Variants in WARS1 observed in about 807,000 individuals in gnomAD.
WARS1 encodes the protein tryptophanyl-tRNA synthetase 1.
WARS1 carries 17 observed loss-of-function variants against 47.8 expected under a neutral mutation model. The ratio of observed to expected loss-of-function variants is 0.36; its 90% CI spans 0.24 to 0.53. The LOEUF is 0.53. WARS1 is among the 20% of genes least tolerant of loss of function. The pLI is 0.91. For synonymous variants in WARS1, 208 were observed against 228.1 expected, an observed-to-expected ratio of 0.91 and a Z score of 0.79; for missense variants, 434 against 608.0, an observed-to-expected ratio of 0.71 and a Z score of 3.01.
chr14:100,339,110 CACACACACACACAT>C (rs1382658370), intron 9 of WARS1, among the ~76,000 whole-genome samples: 10 of 34,740 alleles, frequency 2.9e-4, no homozygotes, highest in African/African-American at 4.5e-4. Flanking sequence ...CCATCACACA[CACACACACACACAT>C]ACACACACAC....
At chr14:100,368,440 C>G in intron 2 of WARS1, 1 of 455,996 alleles carries the variant, frequency 2.2e-6, no homozygotes, top group South Asian at 1.5e-5. Context: ...GGTACGAATG[C>G]TTCATTTCCA....
At chr14:100,367,590 G>C (rs897854876) in intron 2 of WARS1, among the ~76,000 whole-genome samples, 1 of 144,046 alleles carries the variant, frequency 6.9e-6, no homozygotes, top group African/African-American at 2.6e-5. Context: ...TCCATCTCGG[G>C]GGGCGGGGGT....
intron 3 of WARS1, among the ~76,000 whole-genome samples, 164 bp downstream of exon 3, chr14:100,361,544 G>C (rs1439219352): frequency 6.6e-6 from 1 of 152,094 alleles, no homozygotes; most frequent in African/African-American, 2.4e-5. Flanking sequence ...AATCCTTTGG[G>C]AATATAATGC....
In WARS1 at chr14:100,334,301, T is replaced by TTG. The variant is rs1893562334; in HGVS notation, c.*573_*574insCA. ...CTGAACTCTGTTCAATCTTCATTGT[T>TTG]AAAAGCAGCTTTAAAGCTGGGTGAT... On this transcript the variant is annotated 3_prime_UTR_variant, in exon 11 of 11. Transcript: ENST00000392882. The TTG allele has an allele frequency of 3.3e-5, 5 of 152,618 alleles. No individual in the cohort carries two copies. Among genetic ancestry groups the TTG allele is most frequent in the African/African-American group, 1.2e-4 (5 of 41,464 alleles). The allele number at this position is 152,618 out of a possible 1,614,324, so 9.5% of individuals were successfully genotyped here. A position where few individuals can be genotyped will look rare whatever the true frequency, so the allele number is the denominator to read the frequency against.
intron 3 of WARS1, 136 bp from the exon 4 acceptor site, chr14:100,360,798 G>A: frequency 1.9e-6 from 1 of 529,746 alleles, no homozygotes; most frequent in East Asian, 3.1e-5. Flanking sequence ...TCTGCTAAAG[G>A]TCCTTACCCC....
intron 1 of WARS1, chr14:100,374,288 T>C (rs1290780300): frequency 6.6e-6 from 1 of 152,254 alleles, no homozygotes; most frequent in Non-Finnish European, 1.5e-5. Context: ...AATGCAGTTA[T>C]AACCAGTGAA....
chr14:100,347,093 C>A lies in WARS1; in HGVS notation c.726-247G>T, dbSNP rs732626. ...GGAAAGGCAGAAACCAGTGTGAAAC[C>A]GACGTGAAGCAGACATACAAACAAG... On this transcript the variant is annotated intron_variant, in intron 6 of 10. Coordinates refer to ENST00000392882, the MANE Select transcript of WARS1 (RefSeq NM_004184.4). Among the ~76,000 whole-genome samples the A allele has an allele frequency of 6.4e-4, 98 of 152,254 alleles. 2 individuals are homozygous for A. The East Asian group carries it at 0.018, about 28-fold the overall frequency.
chr14:100,376,281 G>A (rs1896658248), upstream of WARS1: 1 of 856,342 alleles, frequency 1.2e-6, no homozygotes. Context: ...GGGCCAGTCA[G>A]CGCTCCCGGC....
intron 4 of WARS1, among the ~76,000 whole-genome samples, chr14:100,357,464 ATT>A (rs775785412): frequency 2.8e-5 from 4 of 145,352 alleles, no homozygotes; most frequent in Admixed American, 6.9e-5. Flanking sequence ...CATCAATTGT[ATT>A]TTTTTTTTTT....
intron 7 of WARS1, 93 bp downstream of exon 7, chr14:100,346,653 A>C: frequency 9.4e-7 from 1 of 1,058,622 alleles, no homozygotes; most frequent in Non-Finnish European, 1.4e-6. Context: ...CTAACATCTC[A>C]GAGATATTTA....
intron 2 of WARS1, among the ~76,000 whole-genome samples, chr14:100,368,213 A>G (rs1003492991): frequency 1.3e-5 from 2 of 152,242 alleles, no homozygotes; most frequent in African/African-American, 4.8e-5. Flanking sequence ...CATTAGTATC[A>G]TTGACATAAA....
intron 5 of WARS1, 117 bp from the exon 6 acceptor site, chr14:100,353,986 A>G (rs1595436825): frequency 1.1e-6 from 1 of 892,308 alleles, no homozygotes; most frequent in Non-Finnish European, 1.7e-6. Context: ...CTTGCCTACA[A>G]AATCACAATT....
At position 100,363,829 on chromosome 14, in the gene WARS1, A is replaced by G. The variant is rs535527719; in HGVS notation, c.100-1908T>C. Among the ~76,000 whole-genome samples, 4 of 152,178 alleles carry G rather than the reference A, an allele frequency of 2.6e-5. No homozygotes were observed. The East Asian group carries it at 7.8e-4, about 30-fold the overall frequency. ...TTTTGTAGAGACAGGGTCTCACTATATTATCCAGGCTGGTCCCAAACTCTT... is the reference window on the plus strand; with the variant it reads ...TTTTGTAGAGACAGGGTCTCACTATGTTATCCAGGCTGGTCCCAAACTCTT... On this transcript the variant is annotated intron_variant, in intron 2 of 10. Coordinates refer to ENST00000392882, the MANE Select transcript of WARS1 (RefSeq NM_004184.4).
intron 6 of WARS1, 31 bp downstream of exon 6, chr14:100,353,656 T>C: frequency 2.5e-6 from 4 of 1,609,696 alleles, no homozygotes; most frequent in Non-Finnish European, 3.4e-6. Flanking sequence ...CCTCTACCTA[T>C]TGAAAAGGCA....
chr14:100,341,709 T>C (rs1202687816), intron 9 of WARS1, among the ~76,000 whole-genome samples: 1 of 152,242 alleles, frequency 6.6e-6, no homozygotes, highest in East Asian at 1.9e-4. Context: ...ATTTGTCAAA[T>C]GTTTGCTGAA....
chr14:100,364,201 G>A (rs1233164961), intron 2 of WARS1, among the ~76,000 whole-genome samples: 2 of 152,164 alleles, frequency 1.3e-5, no homozygotes, highest in African/African-American at 2.4e-5. Flanking sequence ...TAAACAAAAA[G>A]GAGAAGAAGA....
intron 6 of WARS1, 118 bp from the exon 7 acceptor site, chr14:100,346,964 T>C (rs1043947712): frequency 6.9e-6 from 6 of 868,386 alleles, no homozygotes; most frequent in African/African-American, 4.9e-5. Flanking sequence ...CGGGGCCACA[T>C]TGTGGTCAAC....
At chr14:100,349,056 T>A (rs1236090010) in intron 6 of WARS1, among the ~76,000 whole-genome samples, 1 of 152,168 alleles carries the variant, frequency 6.6e-6, no homozygotes, top group Non-Finnish European at 1.5e-5. Context: ...TGAACACACC[T>A]AACTGTATAT....
intron 4 of WARS1, among the ~76,000 whole-genome samples, chr14:100,356,140 A>G (rs994269077): frequency 5.3e-5 from 8 of 152,206 alleles, no homozygotes; most frequent in African/African-American, 1.7e-4. Flanking sequence ...TTGACTGTGC[A>G]TAGTAGATCT....
Sources: gnomAD v4.1 joint callset for allele counts (sites outside exome capture counted in the v4.1 genomes callset) on GRCh38, gnomAD v4.1.1 for gene constraint, MANE v1.5 for transcripts, NCBI Gene and HGNC (gene_info 2026-07-23, HGNC 2026-07-21) for gene names.